Variants in ESS2 observed in about 807,000 individuals in gnomAD.
ESS2 encodes the protein ess-2 spliceosome associated protein, also known as splicing factor ESS-2 homolog.
In ESS2, 31 loss-of-function variants were observed where a neutral mutation model predicts 52.0. That is an observed-to-expected ratio of 0.60 (90% confidence interval 0.45 to 0.81). The LOEUF is 0.81. ESS2 is among the 30% of genes least tolerant of loss of function. ESS2 has a pLI of 0.00. For missense variants in ESS2, 602 were observed against 637.2 expected (o/e 0.94, Z 0.59); for synonymous variants, 285 against 259.2 (o/e 1.10, Z -0.95).
At position 19,130,330 on chromosome 22, in the gene ESS2, G is replaced by A. The variant is rs118140654; in HGVS notation, c.*3866C>T. 4.1e-4 allele frequency: 66 copies of A among 161,346 alleles called. 1 individual carries two copies. In the East Asian group the frequency reaches 0.011, roughly 27 times the overall value. The allele number at this position is 161,346 out of a possible 1,614,324, so 10.0% of individuals were successfully genotyped here. A position where few individuals can be genotyped will look rare whatever the true frequency, so the allele number is the denominator to read the frequency against. On this transcript the variant is annotated 3_prime_UTR_variant, in exon 10 of 10. Transcript: ENST00000252137. Reference sequence around the variant, plus strand: ...AACTGGATACAGGGAGAAGGCTGGAGATAATTCCAGCAGACCAACTCAAAG... The same window carrying A: ...AACTGGATACAGGGAGAAGGCTGGAAATAATTCCAGCAGACCAACTCAAAG...
intron 1 of ESS2, 200 bp downstream of exon 1, chr22:19,144,306 T>A: frequency 7.4e-7 from 1 of 1,350,322 alleles, no homozygotes; most frequent in Non-Finnish European, 9.5e-7. Context: ...GCTCTCTCTT[T>A]TCCCTGACAA....
rs776082189 is a variant in ESS2, at chr22:19,132,087, G to GT, written c.*2108_*2109insA. Reference sequence around the variant, plus strand: ...CAGGAAGATGCTGCGTATCCAGAAGGAGCACCGTGTGGACTTCCCGCGCTC... The same window carrying GT: ...CAGGAAGATGCTGCGTATCCAGAAGGTAGCACCGTGTGGACTTCCCGCGCTC... On this transcript the variant is annotated 3_prime_UTR_variant, in exon 10 of 10. Transcript: ENST00000252137. This position sits in a 1 kb window ranked among gnomAD's most constrained non-coding sequence, Gnocchi z 4.2. The GT allele has an allele frequency of 6.2e-6, 10 of 1,613,474 alleles. No homozygotes were observed. The highest frequency in any genetic ancestry group is 1.7e-5 in the Admixed American group (1 of 59,978).
Position 19,130,818 on chromosome 22 carries a change from G to C in ESS2, c.*3378C>G, listed in dbSNP as rs374906509. ...GATTTAACTATGTGCTCAATGGTAA[G>C]GCAGTGCTGTGGAAATCTGTCTGTG... On this transcript the variant is annotated 3_prime_UTR_variant, in exon 10 of 10. Coordinates refer to ENST00000252137, the MANE Select transcript of ESS2 (RefSeq NM_022719.3). 7.5e-4 allele frequency: 148 copies of C among 196,110 alleles called. 2 individuals are homozygous for C. The highest frequency in any genetic ancestry group is 3.3e-3 in the African/African-American group (141 of 42,274). 12.1% of individuals were successfully genotyped at this position (196,110 alleles called of 1,614,324 possible).
chr22:19,132,057 G>A lies in ESS2; in HGVS notation c.*2139C>T, dbSNP rs140510864. On this transcript the variant is annotated 3_prime_UTR_variant, in exon 10 of 10. Coordinates refer to ENST00000252137, the MANE Select transcript of ESS2 (RefSeq NM_022719.3). The surrounding 1 kb of genome is among the most constrained non-coding windows in gnomAD (Gnocchi z 4.2). Reference sequence around the variant, plus strand: ...CGGCTCCATGCCCTATGACGACTCCGACATCAGGAAGATGCTGCGTATCCA... The same window carrying A: ...CGGCTCCATGCCCTATGACGACTCCAACATCAGGAAGATGCTGCGTATCCA... The A allele has an allele frequency of 3.2e-5, 52 of 1,613,894 alleles. No individual in the cohort carries two copies. Among genetic ancestry groups the A allele is most frequent in the African/African-American group, 8.0e-5 (6 of 74,898 alleles).
At position 19,132,414 on chromosome 22, in the gene ESS2, G is replaced by A. The variant is rs140549220; in HGVS notation, c.*1782C>T. On this transcript the variant is annotated 3_prime_UTR_variant, in exon 10 of 10. Coordinates refer to ENST00000252137, the MANE Select transcript of ESS2 (RefSeq NM_022719.3). The surrounding 1 kb of genome is among the most constrained non-coding windows in gnomAD (Gnocchi z 4.2). ...GAACAGGATGGAGGACAGGCTGGCC[G>A]AGACCTCCAGGGCCAAAGACCATCA... 3.0e-5 allele frequency: 48 copies of A among 1,612,748 alleles called. No homozygotes were observed. Among genetic ancestry groups the A allele is most frequent in the African/African-American group, 5.3e-5 (4 of 74,880 alleles).
intron 3 of ESS2, 119 bp downstream of exon 3, chr22:19,142,419 A>G (rs1202498044): frequency 2.2e-6 from 2 of 896,868 alleles, no homozygotes; most frequent in Non-Finnish European, 3.4e-6. Context: ...CTATTTACGC[A>G]AGACCCCTCA....
At position 19,134,290 on chromosome 22, in the gene ESS2, G is replaced by C. The variant is rs962807666; in HGVS notation, c.1337C>G (p.Ser446Cys). Residue 446 changes from serine (S) to cysteine (C), a missense_variant, in exon 10 of 10, where the codon TCT becomes TGT. Coordinates refer to ENST00000252137, the MANE Select transcript of ESS2 (RefSeq NM_022719.3). ...QTPTSTPAPGSATRTPLTQDP... is the reference protein window; with the variant it reads ...QTPTSTPAPGCATRTPLTQDP... ...CTGTGTGAGAGGGGTGCGTGTGGCA[G>C]AGCCAGGCGCCGGTGTGCTTGTGGG... 1.9e-6 allele frequency: 3 copies of C among 1,599,100 alleles called. No homozygotes were observed. Among genetic ancestry groups the C allele is most frequent in the Admixed American group, 1.7e-5 (1 of 57,898 alleles).
In ESS2 at chr22:19,132,230, C is replaced by G. The variant is rs751715581; in HGVS notation, c.*1966G>C. 14 of 1,612,316 alleles carry G rather than the reference C, an allele frequency of 8.7e-6. No homozygotes were observed. In the East Asian group the frequency reaches 1.8e-4, roughly 21 times the overall value. ...ACTCGTGGCTGCAGCCCCCCAAGCC[C>G]AAAGCCACGTCTTCTGCCTCCTTCA... On this transcript the variant is annotated 3_prime_UTR_variant, in exon 10 of 10. Transcript: ENST00000252137. This position sits in a 1 kb window ranked among gnomAD's most constrained non-coding sequence, Gnocchi z 4.2.
chr22:19,137,358 G>C lies in ESS2; in HGVS notation c.1000C>G (p.Pro334Ala). 1 of 1,613,786 alleles carries C rather than the reference G, an allele frequency of 6.2e-7. No homozygotes were observed. Among genetic ancestry groups the C allele is most frequent in the South Asian group, 1.1e-5 (1 of 91,066 alleles). ...TPLRVEGSET[P>A]YVDRTPGPAF... ...GGGCCGGGTGTCCTGTCCACGTAGGGCGTTTCCGACCCTTCAACTCTCAAG... is the reference window on the plus strand; with the variant it reads ...GGGCCGGGTGTCCTGTCCACGTAGGCCGTTTCCGACCCTTCAACTCTCAAG... Residue 334 changes from proline to alanine, a missense_variant, in exon 8 of 10, where the codon CCC becomes GCC. By Grantham distance (27) the Pro-to-Ala change is conservative. Transcript: ENST00000252137.
chr22:19,135,002 G>A lies in ESS2; in HGVS notation c.1151+58C>T, dbSNP rs4334575. On this transcript the variant is annotated intron_variant, in intron 9 of 9. Transcript: ENST00000252137. The stretch of plus-strand genomic sequence containing the variant: ...CCTCCACACGGTCAGGGCAGGGGCC[G>A]AACAGGAGCAGGCCAGAGCCACCCT... 1,869 of 1,537,358 alleles carry A rather than the reference G, an allele frequency of 1.2e-3. 19 individuals are homozygous for A. In the East Asian group the frequency reaches 0.012, roughly 10 times the overall value.
Position 19,137,428 on chromosome 22 carries a change from C to T in ESS2, c.930G>A (p.Val310=), listed in dbSNP as rs147844126. 1.2e-6 allele frequency: 2 copies of T among 1,611,978 alleles called. No individual in the cohort carries two copies. The highest frequency in any genetic ancestry group is 1.7e-6 in the Non-Finnish European group (2 of 1,178,850). The change falls in exon 8 of 10, where the codon GTG becomes GTA. Residue 310 remains valine (V), a synonymous_variant. Transcript: ENST00000252137. ...FVATPSPAPG[V]NESPMMTWGE... is the part of the protein sequence containing the mutation. ...CCCAGGTCATCATCGGGGACTCGTT[C>T]ACACCTGCAGACAAAGAGCCCAAAA...
In ESS2 at chr22:19,131,169, G is replaced by A. The variant is rs201645563; in HGVS notation, c.*3027C>T. 134 of 502,332 alleles carry A rather than the reference G, an allele frequency of 2.7e-4. 1 individual carries two copies. The highest frequency in any genetic ancestry group is 1.1e-3 in the Admixed American group (30 of 26,450). 31.1% of individuals were successfully genotyped at this position (502,332 alleles called of 1,614,324 possible). On this transcript the variant is annotated 3_prime_UTR_variant, in exon 10 of 10. Coordinates refer to ENST00000252137, the MANE Select transcript of ESS2 (RefSeq NM_022719.3). The surrounding 1 kb of genome is among the most constrained non-coding windows in gnomAD (Gnocchi z 5.7). ...CCTGCCAGACCAGCCTGGCTTCCAC[G>A]GTTCCAGAGACCCTGTTCTCCCTCA...
Position 19,134,039 on chromosome 22 carries a change from G to A in ESS2, c.*157C>T. 3 of 921,374 alleles carry A rather than the reference G, an allele frequency of 3.3e-6. No individual in the cohort carries two copies. The highest frequency in any genetic ancestry group is 4.1e-5 in the Admixed American group (1 of 24,564). 57.1% of individuals were successfully genotyped at this position (921,374 alleles called of 1,614,324 possible). ...GTGTGGGCACGAGTGCCTTGTGCCA[G>A]TCTGGCCCCAGCACAGCCCCTTTCT... On this transcript the variant is annotated 3_prime_UTR_variant, in exon 10 of 10. Transcript: ENST00000252137.
chr22:19,140,704 C>T (rs1265067879), intron 3 of ESS2, among the ~76,000 whole-genome samples: 2 of 152,210 alleles, frequency 1.3e-5, no homozygotes, highest in African/African-American at 2.4e-5. Context: ...CTGGAGAGCT[C>T]TGCCTTCAAG....
chr22:19,140,105 GC>G (rs2083660087), intron 3 of ESS2, 81 bp from the exon 4 acceptor site: 2 of 1,528,302 alleles, frequency 1.3e-6, no homozygotes, highest in Non-Finnish European at 1.8e-6. Flanking sequence ...AGGAATCATA[GC>G]CCCCAACATG....
intron 8 of ESS2, 76 bp downstream of exon 8, chr22:19,137,247 T>A: frequency 9.1e-7 from 1 of 1,096,402 alleles, no homozygotes; most frequent in Non-Finnish European, 1.4e-6. Flanking sequence ...CAGTGCTCAG[T>A]CCTGAGCCAC....
At chr22:19,138,191 C>T (rs774202381) in intron 7 of ESS2, 24 bp downstream of exon 7, 4 of 1,613,508 alleles carry the variant, frequency 2.5e-6, no homozygotes, top group South Asian at 2.2e-5. Flanking sequence ...AGTAGACCCA[C>T]TTGCCAGTGG....
At chr22:19,137,657 G>C in intron 7 of ESS2, 1 of 869,364 alleles carries the variant, frequency 1.2e-6, no homozygotes, top group Non-Finnish European at 1.4e-6. Context: ...ACAGCCATGT[G>C]CTTAGCCTAC....
At chr22:19,136,548 A>G (rs1304635244) in intron 8 of ESS2, among the ~76,000 whole-genome samples, 1 of 152,026 alleles carries the variant, frequency 6.6e-6, no homozygotes, top group African/African-American at 2.4e-5. Flanking sequence ...TCGGGCCCCA[A>G]ATTCTGACTT....
Sources: allele counts gnomAD v4.1 joint callset (sites outside exome capture counted in the v4.1 genomes callset), GRCh38; gene constraint gnomAD v4.1.1; non-coding constraint Gnocchi (gnomAD v3.1); transcripts MANE v1.5; gene names NCBI Gene and HGNC (gene_info 2026-07-23, HGNC 2026-07-21).